PALD1: variants seen among roughly 807,000 people sequenced by gnomAD.
PALD1 encodes phosphatase domain containing paladin 1, also known as paladin.
Under a neutral mutation model 96.0 loss-of-function variants are expected in PALD1, and 57 were observed. That is an observed-to-expected ratio of 0.59 (90% CI 0.48 to 0.74). PALD1 has a LOEUF of 0.74. Among genes scored for constraint, PALD1 ranks in the 30% least tolerant of loss-of-function variants. PALD1 has a pLI of 0.00. For synonymous variants in PALD1, 464 were observed against 473.6 expected (o/e 0.98, Z 0.26); for missense variants, 1,063 against 1,143.7 (o/e 0.93, Z 1.02).
At chr10:70,525,333 G>T (rs965338463) in intron 1 of PALD1, among the ~76,000 whole-genome samples, 35 of 152,120 alleles carry the variant, frequency 2.3e-4, no homozygotes, top group African/African-American at 8.4e-4. Flanking sequence ...TATTGATGTT[G>T]ATGTTGAGTT....
intron 18 of PALD1, among the ~76,000 whole-genome samples, chr10:70,555,720 G>A (rs530824952): frequency 6.6e-6 from 1 of 152,346 alleles, no homozygotes; most frequent in African/African-American, 2.4e-5. Context: ...TCTGGCTGTT[G>A]GCCGGGCGCA....
intron 1 of PALD1, among the ~76,000 whole-genome samples, chr10:70,493,221 G>A (rs1846128520): frequency 6.6e-6 from 1 of 152,186 alleles, no homozygotes; most frequent in Non-Finnish European, 1.5e-5. Flanking sequence ...CTGGGCTCAA[G>A]TGATCTTCCC....
chr10:70,523,282 C>G (rs1262118064), intron 1 of PALD1, among the ~76,000 whole-genome samples: 1 of 152,142 alleles, frequency 6.6e-6, no homozygotes, highest in Non-Finnish European at 1.5e-5. Context: ...GAGCCCAGCC[C>G]TGTGGGGACG....
In PALD1 at chr10:70,537,831, C is replaced by A. The variant is rs112425467; in HGVS notation, c.1248C>A (p.Ser416Arg). The A allele has an allele frequency of 6.2e-7, 1 of 1,612,598 alleles. No individual in the cohort carries two copies. Among genetic ancestry groups the A allele is most frequent in the South Asian group, 1.1e-5 (1 of 91,030 alleles). The change falls in exon 11 of 20, where the codon AGC becomes AGA. Residue 416 changes from serine (S) to arginine (R), a missense_variant. Physicochemically the swap from Ser to Arg is moderately radical, Grantham distance 110 (BLOSUM62 -1). Coordinates refer to ENST00000263563, the MANE Select transcript of PALD1 (RefSeq NM_014431.3). ...CTCAGGGAAGCGGCAGCCGACACAG[C>A]GTCTGGCAGAGGGCGCTGTGGAGCC... ...SPAQGSGSRH[S>R]VWQRALWSLE...
intron 1 of PALD1, among the ~76,000 whole-genome samples, chr10:70,524,341 C>T (rs541701557): frequency 1.3e-5 from 2 of 152,256 alleles, no homozygotes; most frequent in East Asian, 1.9e-4. Flanking sequence ...TCCTGTCTGT[C>T]GCCCTCTGTC....
At chr10:70,470,679 G>T in the PALD1 span, among the ~76,000 whole-genome samples, 6 of 151,076 alleles carry the variant, frequency 4.0e-5, no homozygotes, top group African/African-American at 1.5e-4. Context: ...CATGATCTTG[G>T]CTCACTGCAA....
intron 12 of PALD1, 90 bp downstream of exon 12, chr10:70,538,498 A>G (rs1847162056): frequency 3.7e-6 from 5 of 1,352,686 alleles, no homozygotes; most frequent in Non-Finnish European, 3.1e-6. Context: ...TGGGGTAAGC[A>G]TTGCCCTTGC....
At chr10:70,489,111 C>T (rs1055884438) in intron 1 of PALD1, among the ~76,000 whole-genome samples, 1 of 152,202 alleles carries the variant, frequency 6.6e-6, no homozygotes, top group Non-Finnish European at 1.5e-5. Flanking sequence ...GGGAGTTGCC[C>T]CTTGCCAAAG....
chr10:70,513,477 T>A (rs369032784), intron 1 of PALD1, among the ~76,000 whole-genome samples: 3 of 152,076 alleles, frequency 2.0e-5, no homozygotes, highest in Non-Finnish European at 4.4e-5. Flanking sequence ...ACCACTGCCC[T>A]CCAGCCTGGG....
intron 1 of PALD1, among the ~76,000 whole-genome samples, chr10:70,484,374 G>A (rs1395547629): frequency 6.6e-6 from 1 of 152,148 alleles, no homozygotes; most frequent in Non-Finnish European, 1.5e-5. Flanking sequence ...TCTAATATTT[G>A]ATACTACATG....
intron 1 of PALD1, among the ~76,000 whole-genome samples, chr10:70,514,368 A>G (rs1846579694): frequency 6.6e-6 from 1 of 152,202 alleles, no homozygotes; most frequent in South Asian, 2.1e-4. Flanking sequence ...TAACTTTTAA[A>G]CTATTTTTTT....
intron 18 of PALD1, among the ~76,000 whole-genome samples, chr10:70,554,913 TCTCCTCCCCTC>T (rs1564710318): frequency 2.1e-4 from 3 of 14,028 alleles, no homozygotes; most frequent in African/African-American, 3.2e-4. Context: ...TCCCCTCCCC[TCTCCTCCCCTC>T]CCCCTCCTCC....
chr10:70,548,734 G>A (rs1210631343), intron 18 of PALD1, among the ~76,000 whole-genome samples: 1 of 152,216 alleles, frequency 6.6e-6, no homozygotes, highest in South Asian at 2.1e-4. Context: ...CCCTATGCTC[G>A]GCTGTAGCTG....
At chr10:70,501,476 C>G (rs4747040) in intron 1 of PALD1, among the ~76,000 whole-genome samples, 141,348 of 152,216 alleles carry the variant, frequency 0.93, 65,705 homozygotes, top group East Asian at 1. Flanking sequence ...ACAGCGCTGG[C>G]GTCTACGCAG....
upstream of PALD1, among the ~76,000 whole-genome samples, chr10:70,477,194 C>T (rs1845840204): frequency 1.3e-5 from 2 of 152,070 alleles, no homozygotes; most frequent in Non-Finnish European, 2.9e-5. Context: ...GGATATGGGG[C>T]TGTGGCAAGA....
intron 1 of PALD1, among the ~76,000 whole-genome samples, chr10:70,519,889 T>C (rs1846695052): frequency 6.6e-6 from 1 of 152,142 alleles, no homozygotes; most frequent in African/African-American, 2.4e-5. Flanking sequence ...ATTAGGATTT[T>C]AACATATGAG....
At chr10:70,478,149 C>A (rs999929595), upstream of PALD1, among the ~76,000 whole-genome samples, 1 of 152,168 alleles carries the variant, frequency 6.6e-6, no homozygotes, top group Non-Finnish European at 1.5e-5. Context: ...GTTCCCCTCT[C>A]ACCTCTGGGG....
the PALD1 span, among the ~76,000 whole-genome samples, chr10:70,473,104 T>C: frequency 6.6e-6 from 1 of 152,248 alleles, no homozygotes; most frequent in South Asian, 2.1e-4. Flanking sequence ...CAAACCTCCG[T>C]ACATTGCTAG....
intron 1 of PALD1, among the ~76,000 whole-genome samples, chr10:70,502,864 CTTCTCTTCTCTT>C (rs1846324417): frequency 6.6e-6 from 1 of 152,072 alleles, no homozygotes; most frequent in African/African-American, 2.4e-5. Flanking sequence ...TCTGGGTTCT[CTTCTCTTCTCTT>C]TTCTCTTCTC....
Sources: gnomAD v4.1 joint callset for allele counts (sites outside exome capture counted in the v4.1 genomes callset) on GRCh38, gnomAD v4.1.1 for gene constraint, MANE v1.5 for transcripts, NCBI Gene and HGNC (gene_info 2026-07-23, HGNC 2026-07-21) for gene names.